The following ZDBF2 variants were observed in gnomAD, a reference collection of about 807,000 sequenced individuals.
ZDBF2 encodes zinc finger DBF-type containing 2, also known as DBF4-type zinc finger-containing protein 2.
Under a neutral mutation model 9.4 loss-of-function variants are expected in ZDBF2, and 6 were observed. That is an observed-to-expected ratio of 0.64 (90% confidence interval 0.35 to 1.27). ZDBF2 has a LOEUF of 1.27. Among genes scored for constraint, ZDBF2 ranks in the 50% most tolerant of loss-of-function variants. The pLI is 0.03. For missense variants in ZDBF2, 2,697 were observed against 2,766.8 expected (o/e 0.97, Z 0.57); for synonymous variants, 905 against 946.3 (o/e 0.96, Z 0.80).
In ZDBF2 at chr2:206,307,665, A is replaced by T. The variant is rs1268285461; in HGVS notation, c.3137A>T (p.Asn1046Ile). 1.9e-6 allele frequency: 3 copies of T among 1,612,722 alleles called. No individual in the cohort carries two copies. Among genetic ancestry groups the T allele is most frequent in the African/African-American group, 2.7e-5 (2 of 74,880 alleles). ...GGTTCTGAAATAATTTTGGATTCTA[A>T]TGTTCCACCTCAGTCAATGACTGAC... is the stretch of plus-strand genomic sequence containing the variant. The part of the protein sequence containing the change: ...CSGSEIILDS[N>I]VPPQSMTDQP... Residue 1046 changes from asparagine to isoleucine, a missense_variant, in exon 5 of 5, where the codon AAT becomes ATT. Around this residue, in one of 3 missense-constraint regions of ZDBF2, gnomAD observed 1,783 missense variants for 1,776.5 expected, o/e 1.00. Transcript: ENST00000374423.
intron 4 of ZDBF2, among the ~76,000 whole-genome samples, chr2:206,298,672 C>T (rs910934922): frequency 1.3e-5 from 2 of 151,832 alleles, no homozygotes; most frequent in African/African-American, 4.8e-5. Flanking sequence ...TACAGGCACC[C>T]GTCACCATGC....
At chr2:206,295,367 T>C (rs1406869018) in intron 3 of ZDBF2, among the ~76,000 whole-genome samples, 2 of 143,332 alleles carry the variant, frequency 1.4e-5, no homozygotes, top group South Asian at 2.3e-4. Context: ...TCTTTTCTTT[T>C]TTTTTTTTTT....
At chr2:206,284,394 A>G (rs919043493) in intron 3 of ZDBF2, among the ~76,000 whole-genome samples, 1 of 152,168 alleles carries the variant, frequency 6.6e-6, no homozygotes, top group Non-Finnish European at 1.5e-5. Context: ...TCAAATTGGT[A>G]ATTAGCATAC....
Position 206,312,645 on chromosome 2 carries a change from A to C in ZDBF2, c.*1052A>C, listed in dbSNP as rs1320556128. 1.3e-5 allele frequency: 2 copies of C among 151,984 alleles called. No homozygotes were observed. Among genetic ancestry groups the C allele is most frequent in the Non-Finnish European group, 2.9e-5 (2 of 67,994 alleles). The allele number at this position is 151,984 out of a possible 1,614,324, so 9.4% of individuals were successfully genotyped here. A position where few individuals can be genotyped will look rare whatever the true frequency, so the allele number is the denominator to read the frequency against. ...TGGCCAGGCTGGTCTCAAACTCCTG[A>C]CCTTGTGGTCCACCCGCCTCAGCCT... On this transcript the variant is annotated 3_prime_UTR_variant, in exon 5 of 5. Transcript: ENST00000374423.
intron 3 of ZDBF2, among the ~76,000 whole-genome samples, chr2:206,291,693 C>T (rs1047500084): frequency 6.6e-6 from 1 of 152,166 alleles, no homozygotes; most frequent in Admixed American, 6.5e-5. Flanking sequence ...AGATGTTAAA[C>T]TTATTTTGCA....
intron 1 of ZDBF2, among the ~76,000 whole-genome samples, chr2:206,275,246 C>T (rs1178109539): frequency 6.6e-6 from 1 of 152,058 alleles, no homozygotes; most frequent in Non-Finnish European, 1.5e-5. Flanking sequence ...CGGACGAGGC[C>T]TCGGGTCCGG....
chr2:206,283,985 A>G (rs993055965), intron 3 of ZDBF2, among the ~76,000 whole-genome samples: 1 of 152,072 alleles, frequency 6.6e-6, no homozygotes, highest in Non-Finnish European at 1.5e-5. Flanking sequence ...TCATGATGCT[A>G]TGTTTTGATG....
In ZDBF2 at chr2:206,308,377, C is replaced by G. The variant is rs1692939255; in HGVS notation, c.3849C>G (p.Ser1283=). ...LENKIVKPTD[S]RINFDSHEPL... is the part of the protein sequence containing the mutation. ...ATAAGATTGTCAAACCTACAGATTCCAGAATAAATTTTGATTCTCATGAAC... is the reference window on the plus strand; with the variant it reads ...ATAAGATTGTCAAACCTACAGATTCGAGAATAAATTTTGATTCTCATGAAC... Residue 1283 remains serine (S), a synonymous_variant, in exon 5 of 5, where the codon TCC becomes TCG. Coordinates refer to ENST00000374423, the MANE Select transcript of ZDBF2 (RefSeq NM_020923.3). 1 of 1,612,536 alleles carries G rather than the reference C, an allele frequency of 6.2e-7. No individual in the cohort carries two copies. The highest frequency in any genetic ancestry group is 1.7e-5 in the Admixed American group (1 of 59,728).
intron 3 of ZDBF2, among the ~76,000 whole-genome samples, chr2:206,292,981 A>G (rs905284430): frequency 6.6e-6 from 1 of 152,176 alleles, no homozygotes; most frequent in African/African-American, 2.4e-5. Context: ...CCAAAAATAA[A>G]TGTGGGAAAG....
chr2:206,295,363 C>CTTTTTTTTT (rs571707187), intron 3 of ZDBF2, among the ~76,000 whole-genome samples: 12 of 110,952 alleles, frequency 1.1e-4, no homozygotes, highest in African/African-American at 1.4e-4. Flanking sequence ...CTTTTCTTTT[C>CTTTTTTTTT]TTTTTTTTTT....
rs974767406 is a variant in ZDBF2 at position 206,313,097 on chromosome 2, A to G, written c.*1504A>G. 2.6e-5 allele frequency: 4 copies of G among 152,188 alleles called. No homozygotes were observed. The highest frequency in any genetic ancestry group is 4.4e-5 in the Non-Finnish European group (3 of 68,024). The allele number at this position is 152,188 out of a possible 1,614,324, so 9.4% of individuals were successfully genotyped here. Reference sequence around the variant, plus strand: ...TTAAGAGGAAACATGAATTACAACTATATTGTATGACTGCCATATTTTATT... The same window carrying G: ...TTAAGAGGAAACATGAATTACAACTGTATTGTATGACTGCCATATTTTATT... On this transcript the variant is annotated 3_prime_UTR_variant, in exon 5 of 5. Coordinates refer to ENST00000374423, the MANE Select transcript of ZDBF2 (RefSeq NM_020923.3).
chr2:206,302,950 A>C (rs1251094179), intron 4 of ZDBF2, among the ~76,000 whole-genome samples: 2 of 152,118 alleles, frequency 1.3e-5, no homozygotes, highest in African/African-American at 2.4e-5. Context: ...GATTAATGGA[A>C]ACAATGAGGA....
At position 206,311,300 on chromosome 2, in the gene ZDBF2, A is replaced by G. The variant is rs775662471; in HGVS notation, c.6772A>G (p.Arg2258Gly). The G allele has an allele frequency of 1.1e-5, 17 of 1,605,708 alleles. No homozygotes were observed. The highest frequency in any genetic ancestry group is 1.4e-5 in the Non-Finnish European group (16 of 1,175,442). Residue 2258 changes from arginine (R) to glycine (G), a missense_variant, in exon 5 of 5, where the codon AGG becomes GGG. By Grantham distance (125) the Arg-to-Gly change is moderately radical. Coordinates refer to ENST00000374423, the MANE Select transcript of ZDBF2 (RefSeq NM_020923.3). Reference sequence around the variant, plus strand: ...GAAGAAGAAAAAATCTGTTGTCAGTAGGCTAAAGAAGGCGAAGAGAACAGC... The same window carrying G: ...GAAGAAGAAAAAATCTGTTGTCAGTGGGCTAAAGAAGGCGAAGAGAACAGC... The part of the protein sequence containing the change: ...YLKKKKSVVS[R>G]LKKAKRTAKV...
intron 4 of ZDBF2, among the ~76,000 whole-genome samples, chr2:206,299,463 G>A (rs1450652522): frequency 6.6e-6 from 1 of 151,274 alleles, no homozygotes; most frequent in African/African-American, 2.4e-5. Flanking sequence ...TTGAGGTCAG[G>A]AGTTCAAGAC....
chr2:206,299,720 G>A (rs1574406677), intron 4 of ZDBF2, among the ~76,000 whole-genome samples: 1 of 152,098 alleles, frequency 6.6e-6, no homozygotes, highest in Admixed American at 6.5e-5. Flanking sequence ...ACAGGAGTTG[G>A]AGGCTGCAGT....
intron 1 of ZDBF2, among the ~76,000 whole-genome samples, chr2:206,278,840 A>G (rs1213021458): frequency 6.6e-6 from 1 of 152,144 alleles, no homozygotes; most frequent in Non-Finnish European, 1.5e-5. Flanking sequence ...CTTAGGCAGC[A>G]CCTCATTCTT....
In ZDBF2 at chr2:206,311,090, C is replaced by G; in HGVS notation, c.6562C>G (p.Leu2188Val). Residue 2188 changes from leucine to valine, a missense_variant, in exon 5 of 5, where the codon CTA becomes GTA. Around this residue, in one of 3 missense-constraint regions of ZDBF2, gnomAD observed 1,783 missense variants for 1,776.5 expected, o/e 1.00. Transcript: ENST00000374423. ...GAGGGTGACAACTAGTAGTAATAAG[C>G]TAGGTTTTCCCAAAAAGGTTTATAA... The part of the protein sequence containing the change: ...GKRVTTSSNK[L>V]GFPKKVYKPI... 1.2e-6 allele frequency: 2 copies of G among 1,613,300 alleles called. No homozygotes were observed.
intron 1 of ZDBF2, among the ~76,000 whole-genome samples, chr2:206,277,409 C>T (rs1458408167): frequency 6.6e-6 from 1 of 151,380 alleles, no homozygotes; most frequent in African/African-American, 2.4e-5. Context: ...TGTTCACTGC[C>T]TGGGATAGGT....
chr2:206,309,106 A>G lies in ZDBF2; in HGVS notation c.4578A>G (p.Val1526=). 4 of 1,613,952 alleles carry G rather than the reference A, an allele frequency of 2.5e-6. No homozygotes were observed. Among genetic ancestry groups the G allele is most frequent in the Non-Finnish European group, 3.4e-6 (4 of 1,179,878 alleles). The part of the protein sequence containing the change: ...SVKETHLPKV[V]LVDLVPGDSD... Reference sequence around the variant, plus strand: ...AAGAAACCCACCTTCCAAAGGTGGTACTTGTGGATCTGGTGCCCGGTGATA... The same window carrying G: ...AAGAAACCCACCTTCCAAAGGTGGTGCTTGTGGATCTGGTGCCCGGTGATA... The change falls in exon 5 of 5, where the codon GTA becomes GTG. Residue 1526 remains valine (V), a synonymous_variant. Transcript: ENST00000374423.
Sources: gnomAD v4.1 joint callset for allele counts (sites outside exome capture counted in the v4.1 genomes callset) on GRCh38, gnomAD v4.1.1 for gene constraint, gnomAD v4.1.1 regional missense constraint, MANE v1.5 for transcripts, NCBI Gene and HGNC (gene_info 2026-07-23, HGNC 2026-07-21) for gene names.